The following ARMH4 variants were observed in gnomAD, a reference collection of about 807,000 sequenced individuals.
The protein encoded by ARMH4 is armadillo-like helical domain-containing protein 4.
In ARMH4, 49 loss-of-function variants were observed where a neutral mutation model predicts 61.9. That is an observed-to-expected ratio of 0.79 (90% CI 0.63 to 1.00). The LOEUF (loss-of-function observed/expected upper bound fraction) is 1.00, where lower values mean the gene tolerates loss of function less well. ARMH4 is among the 50% of genes least tolerant of loss of function. The pLI is 0.00. For synonymous variants in ARMH4, 368 were observed against 341.5 expected (o/e 1.08, Z -0.85); for missense variants, 934 against 930.0 (o/e 1.00, Z -0.06).
intron 5 of ARMH4, among the ~76,000 whole-genome samples, chr14:58,076,753 G>C (rs1885061239): frequency 6.6e-6 from 1 of 152,060 alleles, no homozygotes; most frequent in Non-Finnish European, 1.5e-5. Context: ...AAGGGACTAG[G>C]GCCACCACCT....
Position 58,140,275 on chromosome 14 carries a change from C to A in ARMH4, c.-56-861G>T, listed in dbSNP as rs1454433423. ...AGGCAACAAGAGCAAAACTCCATCT[C>A]AAAAAAAAAAAAGAGAGACCCCAGG... On this transcript the variant is annotated intron_variant, in intron 1 of 7. Coordinates refer to ENST00000267485, the MANE Select transcript of ARMH4 (RefSeq NM_001001872.4). Among the ~76,000 whole-genome samples the A allele has an allele frequency of 3.3e-4, 43 of 131,346 alleles. No individual in the cohort carries two copies. The East Asian group carries it at 6.7e-3, about 21-fold the overall frequency. 86.2% of individuals were successfully genotyped at this position (131,346 alleles called of 152,430 possible).
At chr14:58,004,916 G>A in intron 7 of ARMH4, 112 bp from the exon 8 acceptor site, 1 of 1,515,574 alleles carries the variant, frequency 6.6e-7, no homozygotes, top group Admixed American at 1.7e-5. Flanking sequence ...AGGAGCTACA[G>A]CAGCTAATCC....
chr14:58,058,415 G>T (rs1884418307), intron 5 of ARMH4, among the ~76,000 whole-genome samples: 1 of 152,106 alleles, frequency 6.6e-6, no homozygotes, highest in African/African-American at 2.4e-5. Flanking sequence ...CAGGCCCAAG[G>T]GTTGCTGCTT....
intron 5 of ARMH4, among the ~76,000 whole-genome samples, chr14:58,039,665 G>T (rs1047727564): frequency 6.6e-6 from 1 of 152,158 alleles, no homozygotes; most frequent in Non-Finnish European, 1.5e-5. Flanking sequence ...CACACAGCCA[G>T]CACAAAAACT....
intron 5 of ARMH4, among the ~76,000 whole-genome samples, chr14:58,062,901 A>G (rs1458332712): frequency 6.6e-6 from 1 of 152,182 alleles, no homozygotes; most frequent in Non-Finnish European, 1.5e-5. Context: ...CATGAAGGGG[A>G]GAAGAGAAGT....
intron 6 of ARMH4, among the ~76,000 whole-genome samples, chr14:58,011,657 A>G (rs868404591): frequency 6.6e-5 from 10 of 152,172 alleles, no homozygotes; most frequent in Non-Finnish European, 8.8e-5. Context: ...ATTAATGCAA[A>G]AAAAGAAAAT....
At chr14:58,052,756 C>A (rs1884189377) in intron 5 of ARMH4, among the ~76,000 whole-genome samples, 1 of 152,200 alleles carries the variant, frequency 6.6e-6, no homozygotes, top group Non-Finnish European at 1.5e-5. Context: ...CCATCCAATG[C>A]TGGCTGCAAA....
intron 1 of ARMH4, chr14:58,141,512 C>A: frequency 1.9e-6 from 1 of 538,066 alleles, no homozygotes; most frequent in South Asian, 1.4e-5. Context: ...GGTGGCATTA[C>A]TGAGCCTTCC....
intron 1 of ARMH4, chr14:58,141,141 T>C (rs1887535436): frequency 4.8e-6 from 1 of 207,290 alleles, no homozygotes; most frequent in Non-Finnish European, 9.7e-6. Context: ...AAAATGGGTT[T>C]GAAAACCCTA....
chr14:58,062,786 G>A (rs536552462), intron 5 of ARMH4, among the ~76,000 whole-genome samples: 3 of 152,360 alleles, frequency 2.0e-5, no homozygotes, highest in African/African-American at 7.2e-5. Flanking sequence ...CTTGAATGCA[G>A]ACAATAAGGC....
chr14:58,083,956 T>A (rs1049579832), intron 5 of ARMH4, among the ~76,000 whole-genome samples: 3 of 152,216 alleles, frequency 2.0e-5, no homozygotes, highest in Admixed American at 1.3e-4. Flanking sequence ...TATAGGAGAA[T>A]CATGATTATA....
rs758785925 is a variant in ARMH4 at position 58,138,961 on chromosome 14, C to T, written c.398G>A (p.Arg133Lys). Reference protein sequence around the residue: ...EEVFGSSQPERISPESGLAKA... With the variant: ...EEVFGSSQPEKISPESGLAKA... ...GGCAAGTCCACTTTCAGGAGATATTCTCTCTGGCTGGCTGGAACCAAATAC... is the reference window on the plus strand; with the variant it reads ...GGCAAGTCCACTTTCAGGAGATATTTTCTCTGGCTGGCTGGAACCAAATAC... The change falls in exon 2 of 8, where the codon AGA (arginine) becomes AAA (lysine). Residue 133 changes from arginine (R) to lysine (K), a missense_variant. Arg to Lys is a conservative substitution (Grantham distance 26, BLOSUM62 2). Transcript: ENST00000267485. 1.2e-6 allele frequency: 2 copies of T among 1,614,252 alleles called. No individual in the cohort carries two copies. Among genetic ancestry groups the T allele is most frequent in the Admixed American group, 3.3e-5 (2 of 60,026 alleles).
In ARMH4 at chr14:58,139,177, G is replaced by A. The variant is rs1887441474; in HGVS notation, c.182C>T (p.Thr61Ile). Reference sequence around the variant, plus strand: ...CACCAGTTGGGGAGTCTGCTTTGAGGTAACAGAGCTATTTTCTAGGTCATC... The same window carrying A: ...CACCAGTTGGGGAGTCTGCTTTGAGATAACAGAGCTATTTTCTAGGTCATC... The part of the protein sequence containing the change: ...NTDDLENSSV[T>I]SKQTPQLVVS... The change falls in exon 2 of 8, where the codon ACC becomes ATC. Residue 61 changes from threonine (T) to isoleucine (I), a missense_variant. By Grantham distance (89) the Thr-to-Ile change is moderately conservative. Coordinates refer to ENST00000267485, the MANE Select transcript of ARMH4 (RefSeq NM_001001872.4). 13 of 1,614,210 alleles carry A rather than the reference G, an allele frequency of 8.1e-6. No individual in the cohort carries two copies. The highest frequency in any genetic ancestry group is 1.0e-5 in the Non-Finnish European group (12 of 1,180,038).
At chr14:58,068,232 C>T (rs989329790) in intron 5 of ARMH4, among the ~76,000 whole-genome samples, 9 of 151,906 alleles carry the variant, frequency 5.9e-5, no homozygotes, top group Non-Finnish European at 1.2e-4. Flanking sequence ...TCTGTCTACC[C>T]CCCAACCCCC....
intron 5 of ARMH4, among the ~76,000 whole-genome samples, chr14:58,085,542 A>G (rs1173228222): frequency 2.0e-5 from 3 of 152,120 alleles, no homozygotes; most frequent in Non-Finnish European, 2.9e-5. Flanking sequence ...ATTAGTTCCA[A>G]GTCTCCTTTT....
At chr14:58,031,265 G>C (rs1883219767) in intron 5 of ARMH4, among the ~76,000 whole-genome samples, 1 of 152,122 alleles carries the variant, frequency 6.6e-6, no homozygotes, top group Non-Finnish European at 1.5e-5. Flanking sequence ...GATTATCCCA[G>C]AGACTCATTT....
At chr14:58,090,879 CAA>C (rs561257563) in intron 5 of ARMH4, among the ~76,000 whole-genome samples, 36 of 59,256 alleles carry the variant, frequency 6.1e-4, no homozygotes, top group Middle Eastern at 0.012. Context: ...GACCCTGTCT[CAA>C]AAAAAAAAAA....
chr14:58,017,780 T>C (rs557168530), intron 5 of ARMH4, among the ~76,000 whole-genome samples: 2 of 152,158 alleles, frequency 1.3e-5, no homozygotes, highest in East Asian at 3.8e-4. Flanking sequence ...AAAAACGATC[T>C]TAAAATTTGT....
At chr14:58,093,198 CTG>C (rs533421087) in intron 5 of ARMH4, among the ~76,000 whole-genome samples, 1 of 152,178 alleles carries the variant, frequency 6.6e-6, no homozygotes, top group Non-Finnish European at 1.5e-5. Context: ...CCCTGCAGAA[CTG>C]TGAGTCAATT....
Sources: gnomAD v4.1 joint callset for allele counts (sites outside exome capture counted in the v4.1 genomes callset) on GRCh38, gnomAD v4.1.1 for gene constraint, MANE v1.5 for transcripts, NCBI Gene and HGNC (gene_info 2026-07-23, HGNC 2026-07-21) for gene names.